The following UBE2R2 variants were observed in gnomAD, a reference collection of about 807,000 sequenced individuals.
UBE2R2 encodes the protein ubiquitin conjugating enzyme E2 R2, also known as ubiquitin-conjugating enzyme E2 R2.
UBE2R2 carries 1 observed loss-of-function variant against 27.8 expected under a neutral mutation model. The observed-to-expected ratio is 0.04, with a 90% CI of 0.01 to 0.17. The LOEUF (loss-of-function observed/expected upper bound fraction) is 0.17, where lower values mean the gene tolerates loss of function less well. Ranked by LOEUF, UBE2R2 falls within the 10% of genes least tolerant of loss-of-function variation. The pLI is 1.00. For missense variants in UBE2R2, 100 were observed against 291.0 expected, an observed-to-expected ratio of 0.34 and a Z score of 4.78; for synonymous variants, 106 against 113.3, an observed-to-expected ratio of 0.94 and a Z score of 0.41.
intron 3 of UBE2R2, among the ~76,000 whole-genome samples, chr9:33,904,817 G>A (rs556741966): frequency 6.6e-6 from 1 of 152,308 alleles, no homozygotes; most frequent in South Asian, 2.1e-4. Flanking sequence ...GGTGGGGCTG[G>A]AGGTGGTGGG....
At chr9:33,911,424 A>AAAAC (rs1822486777) in intron 3 of UBE2R2, among the ~76,000 whole-genome samples, 3 of 149,548 alleles carry the variant, frequency 2.0e-5, no homozygotes, top group Admixed American at 2.0e-4. Flanking sequence ...AAAAAAAAAA[A>AAAAC]AAAAAAAAAA....
intron 1 of UBE2R2, among the ~76,000 whole-genome samples, chr9:33,880,562 G>A (rs1230348581): frequency 6.6e-6 from 1 of 152,102 alleles, no homozygotes; most frequent in Non-Finnish European, 1.5e-5. Flanking sequence ...GTCTTGGTGC[G>A]TGTTCTATGT....
At chr9:33,836,257 C>G (rs547239489) in intron 1 of UBE2R2, among the ~76,000 whole-genome samples, 1 of 152,258 alleles carries the variant, frequency 6.6e-6, no homozygotes, top group African/African-American at 2.4e-5. Context: ...GAGCAATAGG[C>G]TATACCATAT....
At chr9:33,885,730 T>G (rs1323679114) in intron 1 of UBE2R2, among the ~76,000 whole-genome samples, 1 of 152,236 alleles carries the variant, frequency 6.6e-6, no homozygotes, top group Non-Finnish European at 1.5e-5. Context: ...TTTAAATATC[T>G]ACTCCTTGAA....
At chr9:33,839,485 G>T (rs548151551) in intron 1 of UBE2R2, among the ~76,000 whole-genome samples, 1 of 152,132 alleles carries the variant, frequency 6.6e-6, no homozygotes, top group Non-Finnish European at 1.5e-5. Flanking sequence ...TGATCCACCC[G>T]CCTCAGCCTT....
chr9:33,843,485 GT>G (rs113355674), intron 1 of UBE2R2, among the ~76,000 whole-genome samples: 22 of 145,196 alleles, frequency 1.5e-4, no homozygotes, highest in Non-Finnish European at 1.5e-4. Flanking sequence ...TAACTTTTTT[GT>G]TTTTTTTTTT....
intron 3 of UBE2R2, among the ~76,000 whole-genome samples, chr9:33,908,882 G>A (rs985218857): frequency 6.6e-6 from 1 of 152,138 alleles, no homozygotes; most frequent in South Asian, 2.1e-4. Flanking sequence ...TGTAGTCCCA[G>A]CTACTTGGGA....
intron 3 of UBE2R2, among the ~76,000 whole-genome samples, chr9:33,911,420 A>AC (rs1822485629): frequency 1.3e-5 from 2 of 148,346 alleles, no homozygotes; most frequent in African/African-American, 4.9e-5. Flanking sequence ...AAAAAAAAAA[A>AC]AAAAAAAAAA....
chr9:33,854,695 A>G (rs1251419476), intron 1 of UBE2R2, among the ~76,000 whole-genome samples: 1 of 150,556 alleles, frequency 6.6e-6, no homozygotes, highest in Non-Finnish European at 1.5e-5. Context: ...CTGAGAAGGG[A>G]GTATTAAAAT....
chr9:33,897,366 G>C (rs1822137380), intron 2 of UBE2R2, among the ~76,000 whole-genome samples: 1 of 150,276 alleles, frequency 6.7e-6, no homozygotes, highest in Non-Finnish European at 1.5e-5. Context: ...TGCCCAGGCT[G>C]GAGTACAATG....
chr9:33,870,315 G>A (rs951002562), intron 1 of UBE2R2, among the ~76,000 whole-genome samples: 1 of 152,064 alleles, frequency 6.6e-6, no homozygotes, highest in African/African-American at 2.4e-5. Context: ...GCTAATTTTT[G>A]TATTTTTAGT....
chr9:33,838,022 T>C (rs1820651557), intron 1 of UBE2R2, among the ~76,000 whole-genome samples: 1 of 152,182 alleles, frequency 6.6e-6, no homozygotes. Context: ...TTATTTACAG[T>C]TGTCCTTCAG....
Position 33,917,842 on chromosome 9 carries a change from G to C in UBE2R2, c.*605G>C, listed in dbSNP as rs1822691367. On this transcript the variant is annotated 3_prime_UTR_variant, in exon 5 of 5. Coordinates refer to ENST00000263228, the MANE Select transcript of UBE2R2 (RefSeq NM_017811.4). ...ACATGGTGGGCATCAGGGACTTTGT[G>C]CTAAGCCTGATGAAATGTGCTCCTT... 6.5e-6 allele frequency: 1 copy of C among 154,264 alleles called. No individual in the cohort carries two copies. Among genetic ancestry groups the C allele is most frequent in the Admixed American group, 6.5e-5 (1 of 15,296 alleles). The allele number at this position is 154,264 out of a possible 1,614,324, so 9.6% of individuals were successfully genotyped here.
At chr9:33,885,452 G>A (rs1435434693) in intron 1 of UBE2R2, among the ~76,000 whole-genome samples, 1 of 152,138 alleles carries the variant, frequency 6.6e-6, no homozygotes, top group Non-Finnish European at 1.5e-5. Context: ...TTTCATATTG[G>A]CCAAGCTCCA....
At position 33,904,050 on chromosome 9, in the gene UBE2R2, T is replaced by A. The variant is rs561763835; in HGVS notation, c.362+3779T>A. 3.3e-5 allele frequency among the ~76,000 whole-genome samples: 5 copies of A among 152,364 alleles called. No homozygotes were observed. In the South Asian group the frequency reaches 1.0e-3, roughly 32 times the overall value. On this transcript the variant is annotated intron_variant, in intron 3 of 4. Coordinates refer to ENST00000263228, the MANE Select transcript of UBE2R2 (RefSeq NM_017811.4). ...TTTGTACACTTTTTGGAACCTCACC[T>A]GTCTGGAATACCTGGTGGTGCTCAG...
intron 1 of UBE2R2, among the ~76,000 whole-genome samples, chr9:33,826,590 C>T (rs1380838556): frequency 3.3e-5 from 5 of 150,780 alleles, no homozygotes; most frequent in South Asian, 2.1e-4. Context: ...TCCAGCTACC[C>T]GGGAGGCTGA....
intron 1 of UBE2R2, among the ~76,000 whole-genome samples, chr9:33,830,771 G>GAAA (rs370816652): frequency 7.3e-6 from 1 of 136,210 alleles, no homozygotes; most frequent in African/African-American, 2.8e-5. Context: ...CCTCTCAAAG[G>GAAA]AAAAAAAAAA....
At chr9:33,823,766 C>T (rs1820229452) in intron 1 of UBE2R2, among the ~76,000 whole-genome samples, 1 of 152,190 alleles carries the variant, frequency 6.6e-6, no homozygotes, top group Non-Finnish European at 1.5e-5. Context: ...AAAATGGGTA[C>T]ACGTAAACTA....
rs1822748973 is a variant in UBE2R2, at chr9:33,919,584, A to C, written c.*2347A>C. The C allele has an allele frequency of 6.8e-6, 1 of 147,404 alleles. No homozygotes were observed. The highest frequency in any genetic ancestry group is 6.7e-5 in the Admixed American group (1 of 15,000). The allele number at this position is 147,404 out of a possible 1,614,324, so 9.1% of individuals were successfully genotyped here. A position where few individuals can be genotyped will look rare whatever the true frequency, so the allele number is the denominator to read the frequency against. ...GGCTGGGTTTGCCTCTGATGAGTAC[A>C]ATCAGTTCCAGAAGACTGGGTAAGT... On this transcript the variant is annotated 3_prime_UTR_variant, in exon 5 of 5. Transcript: ENST00000263228.
Sources: gnomAD v4.1 joint callset for allele counts (sites outside exome capture counted in the v4.1 genomes callset) on GRCh38, gnomAD v4.1.1 for gene constraint, MANE v1.5 for transcripts, NCBI Gene and HGNC (gene_info 2026-07-23, HGNC 2026-07-21) for gene names.